The following HYCC1 variants were observed in gnomAD, a reference collection of about 807,000 sequenced individuals.
HYCC1 encodes hyccin.
the HYCC1 span, among the ~76,000 whole-genome samples, chr7:22,988,867 C>T: frequency 2.6e-5 from 4 of 152,166 alleles, no homozygotes; most frequent in Non-Finnish European, 5.9e-5. Flanking sequence ...TACACGCCAC[C>T]TCTGCAGCCC....
At chr7:22,946,332 G>A in the HYCC1 span, among the ~76,000 whole-genome samples, 769 of 152,100 alleles carry the variant, frequency 5.1e-3, 8 homozygotes, top group African/African-American at 0.018. Flanking sequence ...ATTATAAAAT[G>A]TCAAAAATAC....
chr7:22,952,610 G>A, the HYCC1 span, among the ~76,000 whole-genome samples: 1 of 151,930 alleles, frequency 6.6e-6, no homozygotes, highest in African/African-American at 2.4e-5. Context: ...TACAGTGGAT[G>A]GCCAGTGACA....
chr7:22,976,613 A>C, the HYCC1 span: 1 of 867,764 alleles, frequency 1.2e-6, no homozygotes, highest in Non-Finnish European at 2.0e-6. Context: ...AACTCATTAA[A>C]CATTATTTAT....
the HYCC1 span, among the ~76,000 whole-genome samples, chr7:22,996,522 A>C: frequency 6.6e-6 from 1 of 150,872 alleles, no homozygotes; most frequent in Admixed American, 6.6e-5. Flanking sequence ...TAAAGAAATA[A>C]AAAATTAAAA....
At chr7:22,928,856 G>A in the HYCC1 span, among the ~76,000 whole-genome samples, 1 of 151,980 alleles carries the variant, frequency 6.6e-6, no homozygotes, top group Non-Finnish European at 1.5e-5. Flanking sequence ...AGTTCATAGG[G>A]AACCAAAAAA....
At chr7:22,901,305 G>T in the HYCC1 span, among the ~76,000 whole-genome samples, 2 of 142,586 alleles carry the variant, frequency 1.4e-5, no homozygotes, top group African/African-American at 5.2e-5. Context: ...CCCAGAGGAA[G>T]TCAGAAAAAA....
chr7:22,947,952 C>T, the HYCC1 span, among the ~76,000 whole-genome samples: 1 of 151,972 alleles, frequency 6.6e-6, no homozygotes, highest in African/African-American at 2.4e-5. Flanking sequence ...AAATTTAGTT[C>T]ATTACTAGAC....
the HYCC1 span, chr7:22,961,207 C>A: frequency 7.2e-7 from 1 of 1,388,236 alleles, no homozygotes; most frequent in African/African-American, 1.4e-5. Flanking sequence ...TAAATTATAA[C>A]ATTTACATAA....
the HYCC1 span, among the ~76,000 whole-genome samples, chr7:22,930,438 C>G: frequency 2.2e-5 from 3 of 133,820 alleles, no homozygotes; most frequent in East Asian, 7.0e-4. Flanking sequence ...AAAATCAGAA[C>G]AGATCTATAA....
chr7:22,907,510 A>C, the HYCC1 span, among the ~76,000 whole-genome samples: 1 of 152,242 alleles, frequency 6.6e-6, no homozygotes, highest in African/African-American at 2.4e-5. Flanking sequence ...AGAGACTTCA[A>C]TGAGCCAAAT....
chr7:22,991,086 A>G, the HYCC1 span: 2 of 1,610,442 alleles, frequency 1.2e-6, no homozygotes, highest in Non-Finnish European at 1.7e-6. Flanking sequence ...CCATTCCTCC[A>G]CAACCCCTTT....
chr7:23,005,230 A>C, the HYCC1 span, among the ~76,000 whole-genome samples: 1 of 152,090 alleles, frequency 6.6e-6, no homozygotes, highest in African/African-American at 2.4e-5. Context: ...CTGACTCTGG[A>C]GTCCAAAAAA....
At chr7:22,899,060 G>T in the HYCC1 span, among the ~76,000 whole-genome samples, 1 of 152,208 alleles carries the variant, frequency 6.6e-6, no homozygotes, top group Admixed American at 6.5e-5. Context: ...TGACCTTAGA[G>T]AGGCAGCGTG....
At chr7:22,923,866 G>C in the HYCC1 span, among the ~76,000 whole-genome samples, 7 of 151,724 alleles carry the variant, frequency 4.6e-5, no homozygotes, top group Non-Finnish European at 8.8e-5. Flanking sequence ...GATTTAAAAA[G>C]AAATAGAAGG....
the HYCC1 span, chr7:22,964,658 A>G: frequency 4.5e-5 from 29 of 649,856 alleles, no homozygotes; most frequent in Non-Finnish European, 7.2e-5. Context: ...GAAACAAAGA[A>G]TCTTTCCAAA....
At chr7:22,924,893 G>C in the HYCC1 span, among the ~76,000 whole-genome samples, 3 of 152,212 alleles carry the variant, frequency 2.0e-5, no homozygotes, top group Non-Finnish European at 4.4e-5. Context: ...CCTCAAGTAG[G>C]TCCCTGACTC....
chr7:23,002,164 A>ATATATATATACACAAT, the HYCC1 span, among the ~76,000 whole-genome samples: 6 of 26,138 alleles, frequency 2.3e-4, no homozygotes, highest in African/African-American at 5.9e-4. Flanking sequence ...ATATATATAT[A>ATATATATATACACAAT]TATATATATA....
At chr7:22,902,644 T>A in the HYCC1 span, among the ~76,000 whole-genome samples, 3 of 152,084 alleles carry the variant, frequency 2.0e-5, no homozygotes, top group African/African-American at 4.8e-5. Flanking sequence ...TTATTTTTTT[T>A]AAAGTGTCAA....
the HYCC1 span, among the ~76,000 whole-genome samples, chr7:22,909,796 G>A: frequency 6.6e-6 from 1 of 152,114 alleles, no homozygotes; most frequent in Non-Finnish European, 1.5e-5. Flanking sequence ...GTATTGTTAA[G>A]CACCTCTTTT....
Sources: allele counts gnomAD v4.1 joint callset (sites outside exome capture counted in the v4.1 genomes callset), GRCh38; gene constraint gnomAD v4.1.1; transcripts MANE v1.5; gene names NCBI Gene and HGNC (gene_info 2026-07-23, HGNC 2026-07-21).